ZNHIT6: variants seen among roughly 807,000 people sequenced by gnomAD.
ZNHIT6 encodes zinc finger HIT-type containing 6.
A neutral mutation model predicts 57.2 loss-of-function variants in ZNHIT6; 45 were observed. The observed-to-expected ratio is 0.79, with a 90% CI of 0.62 to 1.01. The LOEUF (loss-of-function observed/expected upper bound fraction) is 1.01, where lower values mean the gene tolerates loss of function less well. Among genes scored for constraint, ZNHIT6 ranks in the 50% least tolerant of loss-of-function variants. The pLI is 0.00. For missense variants in ZNHIT6, 528 were observed against 567.3 expected (o/e 0.93, Z 0.70); for synonymous variants, 188 against 190.0 (o/e 0.99, Z 0.09).
Position 85,667,961 on chromosome 1 carries a change from A to AAAAAAATAT in ZNHIT6, c.1247+9274_1247+9275insATATTTTTT. Among the ~76,000 whole-genome samples, 27 of 18,202 alleles carry AAAAAAATAT rather than the reference A, an allele frequency of 1.5e-3. 2 individuals are homozygous for AAAAAAATAT. In the South Asian group the frequency reaches 0.046, roughly 31 times the overall value. 11.9% of individuals were successfully genotyped at this position (18,202 alleles called of 152,430 possible). On this transcript the variant is annotated intron_variant, in intron 8 of 9. Transcript: ENST00000370574. ...ACTCTCTCTTTCAAAAAAAAAAAAA[A>AAAAAAATAT]ATATATATATATATATATATATATG...
chr1:85,660,707 T>G (rs928940911), intron 8 of ZNHIT6, among the ~76,000 whole-genome samples: 1 of 152,124 alleles, frequency 6.6e-6, no homozygotes, highest in East Asian at 1.9e-4. Flanking sequence ...ACTGTAATGA[T>G]TACACTTACT....
intron 5 of ZNHIT6, among the ~76,000 whole-genome samples, chr1:85,701,830 T>C (rs1186309073): frequency 6.6e-6 from 1 of 152,140 alleles, no homozygotes; most frequent in African/African-American, 2.4e-5. Context: ...AAATGCCCAA[T>C]ATCAAACTCC....
At chr1:85,691,747 G>A (rs1420290131) in intron 5 of ZNHIT6, among the ~76,000 whole-genome samples, 4 of 151,806 alleles carry the variant, frequency 2.6e-5, no homozygotes, top group East Asian at 1.9e-4. Context: ...TTAGCAGAGC[G>A]TGGTGGTGCA....
At chr1:85,694,707 G>T (rs374264809) in intron 5 of ZNHIT6, among the ~76,000 whole-genome samples, 1 of 152,144 alleles carries the variant, frequency 6.6e-6, no homozygotes, top group African/African-American at 2.4e-5. Flanking sequence ...TGATCCGCCC[G>T]CCTTGGCCTC....
At chr1:85,660,963 G>A (rs1661205577) in intron 8 of ZNHIT6, among the ~76,000 whole-genome samples, 1 of 152,160 alleles carries the variant, frequency 6.6e-6, no homozygotes, top group African/African-American at 2.4e-5. Flanking sequence ...ACGCTATTGA[G>A]TGTCAGTAAG....
chr1:85,676,058 C>T (rs1029274963), intron 8 of ZNHIT6, among the ~76,000 whole-genome samples: 74 of 152,254 alleles, frequency 4.9e-4, no homozygotes, highest in African/African-American at 1.7e-3. Context: ...TTTTACTGGC[C>T]GGGCGCGGTG....
intron 4 of ZNHIT6, among the ~76,000 whole-genome samples, chr1:85,705,858 T>C (rs1411703680): frequency 6.6e-6 from 1 of 152,208 alleles, no homozygotes; most frequent in Non-Finnish European, 1.5e-5. Context: ...CTTAACTCTA[T>C]CTGAAATTAC....
chr1:85,672,436 C>T (rs995764218), intron 8 of ZNHIT6, among the ~76,000 whole-genome samples: 2 of 152,146 alleles, frequency 1.3e-5, no homozygotes, highest in African/African-American at 4.8e-5. Context: ...ACACTCCAAC[C>T]TCCTCAAATC....
intron 5 of ZNHIT6, among the ~76,000 whole-genome samples, chr1:85,700,815 CT>C (rs991430928): frequency 4.6e-5 from 7 of 151,518 alleles, no homozygotes; most frequent in Non-Finnish European, 8.8e-5. Context: ...CATTACTTTA[CT>C]TTTTTTTTGA....
intron 5 of ZNHIT6, among the ~76,000 whole-genome samples, chr1:85,688,456 TCA>T (rs1662127424): frequency 6.6e-6 from 1 of 152,206 alleles, no homozygotes; most frequent in African/African-American, 2.4e-5. Context: ...CAAGTGTATC[TCA>T]GTTACTTTTT....
chr1:85,688,246 T>C (rs1395636571), intron 5 of ZNHIT6, among the ~76,000 whole-genome samples: 1 of 152,148 alleles, frequency 6.6e-6, no homozygotes, highest in African/African-American at 2.4e-5. Flanking sequence ...ATTTTACAGA[T>C]GAAAACACTA....
intron 8 of ZNHIT6, among the ~76,000 whole-genome samples, chr1:85,662,154 T>TA (rs138664278): frequency 0.36 from 37,146 of 101,926 alleles, 5,292 homozygotes; most frequent in Admixed American, 0.48. Flanking sequence ...TTAGTGTGCT[T>TA]TAAAAAAAAA....
intron 8 of ZNHIT6, among the ~76,000 whole-genome samples, chr1:85,671,394 C>T (rs559224925): frequency 3.1e-4 from 47 of 152,196 alleles, no homozygotes; most frequent in African/African-American, 1.1e-3. Flanking sequence ...TTCAAGGCTG[C>T]AGTGAGGCTA....
chr1:85,676,538 G>A (rs1661709689), intron 8 of ZNHIT6, among the ~76,000 whole-genome samples: 1 of 152,112 alleles, frequency 6.6e-6, no homozygotes, highest in Non-Finnish European at 1.5e-5. Flanking sequence ...GATTTAAAGT[G>A]AGAGATGTGA....
chr1:85,657,880 C>T lies in ZNHIT6; in HGVS notation c.1339G>A (p.Gly447Arg), dbSNP rs145038768. 4.7e-5 allele frequency: 75 copies of T among 1,607,428 alleles called. No individual in the cohort carries two copies. In the Middle Eastern group the frequency reaches 1.2e-3, roughly 25 times the overall value. ...AGAACTTTCATGTCATTATTGGATCCTTTCAATACCACATGTAATGTTGGA... is the reference window on the plus strand; with the variant it reads ...AGAACTTTCATGTCATTATTGGATCTTTTCAATACCACATGTAATGTTGGA... ...EYPTLHVVLKGSNNDMKVLHQ... is the reference protein window; with the variant it reads ...EYPTLHVVLKRSNNDMKVLHQ... The change falls in exon 9 of 10, where the codon GGA becomes AGA. Residue 447 changes from glycine to arginine, a missense_variant. Gly to Arg is a moderately radical substitution (Grantham distance 125). Transcript: ENST00000370574.
intron 8 of ZNHIT6, among the ~76,000 whole-genome samples, chr1:85,668,988 A>T (rs186081082): frequency 7.4e-5 from 10 of 135,376 alleles, no homozygotes; most frequent in African/African-American, 3.6e-4. Context: ...CAGAGATTGT[A>T]AAAAAAAAAA....
intron 9 of ZNHIT6, 76 bp downstream of exon 9, chr1:85,657,767 TAAAG>T (rs751314500): frequency 1.1e-5 from 15 of 1,372,818 alleles, no homozygotes; most frequent in Non-Finnish European, 1.5e-5. Flanking sequence ...AAAACACATA[TAAAG>T]AAATAAGGGT....
At position 85,651,064 on chromosome 1, in the gene ZNHIT6, A is replaced by C. The variant is rs372779460; in HGVS notation, c.*2994T>G. ...AGTAACATGAAATAAGGTACAACAC[A>C]AAGTATATGTCAACATAATTAAACA... is the stretch of plus-strand genomic sequence containing the variant. On this transcript the variant is annotated 3_prime_UTR_variant, in exon 10 of 10. Coordinates refer to ENST00000370574, the MANE Select transcript of ZNHIT6 (RefSeq NM_017953.4). 1 of 152,212 alleles carries C rather than the reference A, an allele frequency of 6.6e-6. No individual in the cohort carries two copies. Among genetic ancestry groups the C allele is most frequent in the Non-Finnish European group, 1.5e-5 (1 of 68,048 alleles). The allele number at this position is 152,212 out of a possible 1,614,324, so 9.4% of individuals were successfully genotyped here. A position where few individuals can be genotyped will look rare whatever the true frequency, so the allele number is the denominator to read the frequency against.
At chr1:85,659,149 G>A (rs1340931991) in intron 8 of ZNHIT6, among the ~76,000 whole-genome samples, 1 of 152,080 alleles carries the variant, frequency 6.6e-6, no homozygotes. Context: ...TGACATAGCT[G>A]CCAAATGTGT....
Sources: gnomAD v4.1 joint callset for allele counts (sites outside exome capture counted in the v4.1 genomes callset) on GRCh38, gnomAD v4.1.1 for gene constraint, MANE v1.5 for transcripts, NCBI Gene and HGNC (gene_info 2026-07-23, HGNC 2026-07-21) for gene names.